FANCI: variants seen among roughly 807,000 people sequenced by gnomAD.
FANCI encodes the protein Fanconi anemia group I protein.
In FANCI, 156 loss-of-function variants were observed where a neutral mutation model predicts 176.1. That is an observed-to-expected ratio of 0.89 (90% confidence interval 0.78 to 1.01). The LOEUF (loss-of-function observed/expected upper bound fraction) is 1.01, where lower values mean the gene tolerates loss of function less well. Among genes scored for constraint, FANCI ranks in the 50% least tolerant of loss-of-function variants. The pLI is 0.00. For missense variants in FANCI, 1,678 were observed against 1,534.1 expected (o/e 1.09, Z -1.57); for synonymous variants, 613 against 541.7 (o/e 1.13, Z -1.83).
chr15:89,299,270 T>A lies in FANCI; in HGVS notation c.2637-530T>A, dbSNP rs532518544. On this transcript the variant is annotated intron_variant, in intron 24 of 37. Transcript: ENST00000310775. ...ATTGAATTTGTGGTTCAAACTTTTTTCACAAAACTTAAGATCTAGGTCTAT... is the reference window on the plus strand; with the variant it reads ...ATTGAATTTGTGGTTCAAACTTTTTACACAAAACTTAAGATCTAGGTCTAT... Among the ~76,000 whole-genome samples the A allele has an allele frequency of 2.0e-4, 30 of 152,304 alleles. No homozygotes were observed. The East Asian group carries it at 4.0e-3, about 21-fold the overall frequency.
In FANCI at chr15:89,299,780, A is replaced by G; in HGVS notation, c.2637-20A>G. ...CGGTGAACCTGTCTTTAAAAACAATACCACTTTCTCCTGCTTCAGAGTCTT... is the reference window on the plus strand; with the variant it reads ...CGGTGAACCTGTCTTTAAAAACAATGCCACTTTCTCCTGCTTCAGAGTCTT... On this transcript the variant is annotated intron_variant, in intron 24 of 37. Transcript: ENST00000310775. 6.2e-7 allele frequency: 1 copy of G among 1,611,500 alleles called. No individual in the cohort carries two copies. The highest frequency in any genetic ancestry group is 8.5e-7 in the Non-Finnish European group (1 of 1,178,886).
chr15:89,297,041 G>T (rs934811770), intron 24 of FANCI, among the ~76,000 whole-genome samples: 3 of 149,884 alleles, frequency 2.0e-5, no homozygotes, highest in African/African-American at 7.5e-5. Context: ...CCTCCTGGAC[G>T]GGGTGGCTGC....
At chr15:89,263,785 A>C (rs996589809) in intron 7 of FANCI, 118 bp from the exon 8 acceptor site, 1 of 1,223,068 alleles carries the variant, frequency 8.2e-7, no homozygotes, top group Non-Finnish European at 1.2e-6. Context: ...TCTGCTCCCA[A>C]GTTTCATTTC....
At chr15:89,291,100 C>T (rs1399926231) in intron 19 of FANCI, among the ~76,000 whole-genome samples, 1 of 152,126 alleles carries the variant, frequency 6.6e-6, no homozygotes, top group Non-Finnish European at 1.5e-5. Flanking sequence ...CTGCAGACTC[C>T]AAAAGTTAAA....
At chr15:89,263,634 TTTAC>T (rs1398167149) in intron 7 of FANCI, among the ~76,000 whole-genome samples, 174 bp downstream of exon 7, 2 of 152,214 alleles carry the variant, frequency 1.3e-5, no homozygotes, top group African/African-American at 2.4e-5. Context: ...CCTTTTTGGC[TTTAC>T]TTACTTATTT....
intron 17 of FANCI, among the ~76,000 whole-genome samples, chr15:89,284,005 C>A (rs1175569011): frequency 6.6e-6 from 1 of 152,098 alleles, no homozygotes; most frequent in Non-Finnish European, 1.5e-5. Flanking sequence ...TCGTGATCCA[C>A]CCGCCTCGGC....
chr15:89,258,810 C>T (rs766386723), intron 3 of FANCI, 34 bp downstream of exon 3: 2 of 1,441,616 alleles, frequency 1.4e-6, no homozygotes, highest in Non-Finnish European at 2.0e-6. Flanking sequence ...TGTCTGTCTC[C>T]TGCATTCATT....
intron 24 of FANCI, among the ~76,000 whole-genome samples, chr15:89,296,811 A>AC (rs1193982367): frequency 6.4e-4 from 89 of 139,996 alleles, no homozygotes; most frequent in East Asian, 2.0e-3. Flanking sequence ...TGGGGGGCTG[A>AC]CCCCCCCACC....
intron 30 of FANCI, 48 bp downstream of exon 30, chr15:89,305,457 A>G (rs769711447): frequency 1.2e-6 from 2 of 1,612,226 alleles, no homozygotes; most frequent in African/African-American, 2.7e-5. Flanking sequence ...CATTCTTTCC[A>G]TTCTACTCCA....
At chr15:89,251,813 G>A (rs1030903308) in intron 2 of FANCI, among the ~76,000 whole-genome samples, 3 of 152,054 alleles carry the variant, frequency 2.0e-5, no homozygotes, top group Non-Finnish European at 4.4e-5. Context: ...AATCAGAATG[G>A]GTGGCTGTTT....
Position 89,312,910 on chromosome 15 carries a change from A to T in FANCI, c.3658A>T (p.Ser1220Cys), listed in dbSNP as rs763652700. The T allele has an allele frequency of 6.2e-7, 1 of 1,613,396 alleles. No homozygotes were observed. Among genetic ancestry groups the T allele is most frequent in the African/African-American group, 1.3e-5 (1 of 75,008 alleles). ...YSFISYVQNK[S>C]KSLNYTGEKK... ...TGTGTTTCTATTTCTTTAGAATAAG[A>T]GTAAGAGCCTGAACTATACGGGAGA... Residue 1220 changes from serine (S) to cysteine (C), a missense_variant, in exon 35 of 38, where the codon AGT (serine) becomes TGT (cysteine). Coordinates refer to ENST00000310775, the MANE Select transcript of FANCI (RefSeq NM_001113378.2).
intron 6 of FANCI, among the ~76,000 whole-genome samples, chr15:89,263,047 A>C (rs1214630531): frequency 6.6e-6 from 1 of 152,260 alleles, no homozygotes. Context: ...ACATCTTTAT[A>C]TATCTAGATG....
intron 1 of FANCI, among the ~76,000 whole-genome samples, chr15:89,246,162 C>G (rs544553849): frequency 2.4e-4 from 37 of 152,286 alleles, no homozygotes; most frequent in African/African-American, 8.9e-4. Context: ...TTCTACTAGG[C>G]TGTACTTCCC....
At chr15:89,312,027 A>G (rs959369247) in intron 34 of FANCI, among the ~76,000 whole-genome samples, 21 of 152,186 alleles carry the variant, frequency 1.4e-4, no homozygotes. Context: ...CCAATAATTT[A>G]CAACACAGGG....
chr15:89,299,681 A>G (rs12592170), intron 24 of FANCI, 119 bp from the exon 25 acceptor site: 2 of 969,884 alleles, frequency 2.1e-6, no homozygotes, highest in Non-Finnish European at 3.1e-6. Context: ...AGATTACACA[A>G]CCATGTAAGT....
chr15:89,316,355 G>A, intron 37 of FANCI, 42 bp from the exon 38 acceptor site: 1 of 1,574,072 alleles, frequency 6.4e-7, no homozygotes, highest in East Asian at 2.3e-5. Context: ...CTGCCTTGGA[G>A]CAGGTTTATC....
intron 34 of FANCI, chr15:89,308,131 C>T (rs1472244672): frequency 6.4e-6 from 7 of 1,093,276 alleles, no homozygotes; most frequent in Non-Finnish European, 7.8e-6. Context: ...CAGATTCCTG[C>T]AGTACTTGAA....
Position 89,305,200 on chromosome 15 carries a change from C to T in FANCI, c.3144C>T (p.Asp1048=), listed in dbSNP as rs2054670135. ...AGAGTCCTGTCATTCTGCTGCGTGA[C>T]TTGTCCCAGGATATCCACGGGCATC... ...SYKSPVILLR[D]LSQDIHGHLG... is the part of the protein sequence containing the mutation. The change falls in exon 29 of 38, where the codon GAC becomes GAT. Residue 1048 remains aspartate, a synonymous_variant. Coordinates refer to ENST00000310775, the MANE Select transcript of FANCI (RefSeq NM_001113378.2). 1 of 1,614,120 alleles carries T rather than the reference C, an allele frequency of 6.2e-7. No individual in the cohort carries two copies. Among genetic ancestry groups the T allele is most frequent in the Non-Finnish European group, 8.5e-7 (1 of 1,180,060 alleles).
chr15:89,305,584 C>T, intron 30 of FANCI, 21 bp from the exon 31 acceptor site: 1 of 1,612,696 alleles, frequency 6.2e-7, no homozygotes, highest in Non-Finnish European at 8.5e-7. Flanking sequence ...GTGAATCACA[C>T]CAGGCACTCT....
Sources: allele counts gnomAD v4.1 joint callset (sites outside exome capture counted in the v4.1 genomes callset), GRCh38; gene constraint gnomAD v4.1.1; transcripts MANE v1.5; gene names NCBI Gene and HGNC (gene_info 2026-07-23, HGNC 2026-07-21).